The following DPF3 variants were observed in gnomAD, a reference collection of about 807,000 sequenced individuals.
DPF3 encodes double PHD fingers 3, also known as zinc finger protein DPF3.
DPF3 carries 18 observed loss-of-function variants against 56.8 expected under a neutral mutation model. The ratio of observed to expected loss-of-function variants is 0.32; its 90% CI spans 0.22 to 0.47. The LOEUF is 0.47. DPF3 is among the 20% of genes least tolerant of loss of function. The probability of loss-of-function intolerance (pLI) is 1.00; values close to 1 mark genes in which losing one functional copy is unlikely to be tolerated. For missense variants in DPF3, 403 were observed against 488.8 expected (o/e 0.82, Z 1.65); for synonymous variants, 188 against 180.2 (o/e 1.04, Z -0.35).
At chr14:72,719,069 C>CTTTTTTTTT (rs71448401) in intron 5 of DPF3, among the ~76,000 whole-genome samples, 1 of 100,696 alleles carries the variant, frequency 9.9e-6, no homozygotes. Flanking sequence ...CGTGCCAGGC[C>CTTTTTTTTT]TTTTTTTTTT....
intron 1 of DPF3, among the ~76,000 whole-genome samples, chr14:72,779,290 A>G (rs1891873967): frequency 6.6e-6 from 1 of 152,200 alleles, no homozygotes. Flanking sequence ...GAATGTCTGC[A>G]TTCACTCTCC....
chr14:72,756,865 A>AAAGG (rs1173603254), intron 2 of DPF3, among the ~76,000 whole-genome samples: 1 of 105,088 alleles, frequency 9.5e-6, no homozygotes, highest in South Asian at 3.1e-4. Flanking sequence ...AGAAAGAAAG[A>AAAGG]AAGAAAGGAA....
At chr14:72,792,941 A>G (rs1042565375) in intron 1 of DPF3, among the ~76,000 whole-genome samples, 6 of 152,146 alleles carry the variant, frequency 3.9e-5, no homozygotes, top group Non-Finnish European at 7.4e-5. Context: ...TAAAAAAAAA[A>G]AACACTGCTG....
rs544405914 is a variant in DPF3, at chr14:72,611,758, G to A, written c.*7539C>T. Among the ~76,000 whole-genome samples the A allele has an allele frequency of 1.1e-4, 16 of 152,262 alleles. No individual in the cohort carries two copies. The highest frequency in any genetic ancestry group is 1.9e-4 in the Non-Finnish European group (13 of 68,016). ...CCAGTGCTTGGAAAAGCAGATTAAA[G>A]CAACTAGGCTGAGGTCATCTGTTTT... On this transcript the variant is annotated 3_prime_UTR_variant, in exon 11 of 11. Transcript: ENST00000556509.
intron 8 of DPF3, chr14:72,670,340 A>G: frequency 1.0e-6 from 1 of 986,388 alleles, no homozygotes; most frequent in Non-Finnish European, 1.2e-6. Flanking sequence ...ACCAGCAATA[A>G]CAAAACAGCA....
chr14:72,806,402 G>A (rs1599458674), intron 1 of DPF3, among the ~76,000 whole-genome samples: 1 of 152,040 alleles, frequency 6.6e-6, no homozygotes, highest in African/African-American at 2.4e-5. Context: ...CCCCTGCTAG[G>A]CAGTGGGGAT....
At chr14:72,821,540 T>C (rs1883544442) in intron 1 of DPF3, among the ~76,000 whole-genome samples, 1 of 152,196 alleles carries the variant, frequency 6.6e-6, no homozygotes, top group Admixed American at 6.5e-5. Context: ...TCGAATATTG[T>C]CCATGGTACA....
chr14:72,655,702 C>T (rs1327355657), intron 8 of DPF3, among the ~76,000 whole-genome samples: 1 of 152,222 alleles, frequency 6.6e-6, no homozygotes, highest in African/African-American at 2.4e-5. Flanking sequence ...AGGCTTGAGA[C>T]ATTGCTTCAG....
intron 6 of DPF3, among the ~76,000 whole-genome samples, chr14:72,710,326 A>G (rs1274894911): frequency 1.3e-5 from 2 of 152,394 alleles, no homozygotes; most frequent in Admixed American, 1.3e-4. Context: ...AGCGCTGGAT[A>G]GCTGAGTTGT....
intron 1 of DPF3, among the ~76,000 whole-genome samples, chr14:72,850,552 G>T (rs926059021): frequency 6.6e-6 from 1 of 152,192 alleles, no homozygotes; most frequent in Admixed American, 6.5e-5. Flanking sequence ...CCCCTGCTCT[G>T]TTCAGTCACT....
chr14:72,788,434 A>G lies in DPF3; in HGVS notation c.33-16541T>C, dbSNP rs1054082210. Among the ~76,000 whole-genome samples, 6 of 151,898 alleles carry G rather than the reference A, an allele frequency of 4.0e-5. No individual in the cohort carries two copies. The South Asian group carries it at 8.3e-4, about 21-fold the overall frequency. On this transcript the variant is annotated intron_variant, in intron 1 of 10. Transcript: ENST00000556509. The stretch of plus-strand genomic sequence containing the variant: ...GAAGGGGAAGAGGAGGAGGAGGAGG[A>G]GGGGGGCCGCAGAGTCACTGTGGGT...
chr14:72,848,665 G>A (rs909152616), intron 1 of DPF3, among the ~76,000 whole-genome samples: 6 of 152,106 alleles, frequency 3.9e-5, no homozygotes, highest in African/African-American at 9.7e-5. Context: ...GTAGTACCAG[G>A]GCTAAACAAA....
At position 72,618,415 on chromosome 14, in the gene DPF3, C is replaced by G. The variant is rs1279147029; in HGVS notation, c.*882G>C. Among the ~76,000 whole-genome samples, 1 of 152,222 alleles carries G rather than the reference C, an allele frequency of 6.6e-6. No homozygotes were observed. Among genetic ancestry groups the G allele is most frequent in the East Asian group, 1.9e-4 (1 of 5,192 alleles). On this transcript the variant is annotated 3_prime_UTR_variant, in exon 11 of 11. Transcript: ENST00000556509. ...GGTTCTTCAGTCCCACCAGGAGAAG[C>G]TGAACCAGGTCTCCAGAACCAGGTG...
At chr14:72,734,473 T>C (rs1275581415) in intron 3 of DPF3, among the ~76,000 whole-genome samples, 3 of 152,228 alleles carry the variant, frequency 2.0e-5, no homozygotes, top group Non-Finnish European at 4.4e-5. Flanking sequence ...TAGTGTGTGC[T>C]GTCTCATGTC....
chr14:72,723,847 G>T, intron 4 of DPF3, 119 bp from the exon 5 acceptor site: 1 of 1,014,762 alleles, frequency 9.9e-7, no homozygotes. Flanking sequence ...TGAAGACGCT[G>T]CCTTTGCTTG....
chr14:72,720,647 G>A (rs933899228), intron 5 of DPF3, among the ~76,000 whole-genome samples: 7 of 152,082 alleles, frequency 4.6e-5, no homozygotes, highest in Admixed American at 2.0e-4. Flanking sequence ...TCATTCATTC[G>A]ACAAGCTAAT....
At chr14:72,835,544 A>G (rs1353377485) in intron 1 of DPF3, among the ~76,000 whole-genome samples, 1 of 152,220 alleles carries the variant, frequency 6.6e-6, no homozygotes, top group Non-Finnish European at 1.5e-5. Flanking sequence ...CACAGCCACA[A>G]GGAGCTGGGG....
intron 4 of DPF3, among the ~76,000 whole-genome samples, chr14:72,727,652 G>A (rs1177077425): frequency 6.6e-6 from 1 of 151,178 alleles, no homozygotes; most frequent in African/African-American, 2.4e-5. Flanking sequence ...TTGTTCTCAT[G>A]GATTTTATCC....
intron 1 of DPF3, among the ~76,000 whole-genome samples, chr14:72,863,058 TTATATATATATATATA>T (rs58405648): frequency 0.052 from 7,309 of 139,802 alleles, 271 homozygotes; most frequent in Non-Finnish European, 0.08. Context: ...ATTATTCCAT[TTATATATATATATATA>T]TATATATATA....
Sources: allele counts gnomAD v4.1 joint callset (sites outside exome capture counted in the v4.1 genomes callset), GRCh38; gene constraint gnomAD v4.1.1; transcripts MANE v1.5; gene names NCBI Gene and HGNC (gene_info 2026-07-23, HGNC 2026-07-21).